Variants in KATNIP observed in about 807,000 individuals in gnomAD.
KATNIP encodes katanin interacting protein.
A neutral mutation model predicts 174.0 loss-of-function variants in KATNIP; 126 were observed. That is an observed-to-expected ratio of 0.72 (90% confidence interval 0.63 to 0.84). KATNIP has a LOEUF of 0.84. Ranked by LOEUF, KATNIP falls within the 40% of genes least tolerant of loss-of-function variation. KATNIP has a pLI of 0.00. For missense variants in KATNIP, 1,958 were observed against 2,109.7 expected, an observed-to-expected ratio of 0.93 and a Z score of 1.41; for synonymous variants, 810 against 835.7, an observed-to-expected ratio of 0.97 and a Z score of 0.53.
chr16:27,606,299 T>C (rs1307138310), intron 2 of KATNIP, among the ~76,000 whole-genome samples: 1 of 152,088 alleles, frequency 6.6e-6, no homozygotes, highest in African/African-American at 2.4e-5. Context: ...TAAGATACAT[T>C]TGGATCATCT....
intron 2 of KATNIP, among the ~76,000 whole-genome samples, chr16:27,585,908 C>G (rs978523172): frequency 6.6e-6 from 1 of 152,040 alleles, no homozygotes; most frequent in African/African-American, 2.4e-5. Context: ...TCCAGATCAG[C>G]CCAGGCAACA....
intron 5 of KATNIP, among the ~76,000 whole-genome samples, chr16:27,636,724 T>TGAGC (rs2076647493): frequency 6.6e-6 from 1 of 152,188 alleles, no homozygotes; most frequent in Non-Finnish European, 1.5e-5. Context: ...GTAGCCTCTC[T>TGAGC]GAGCTGTGCA....
intron 8 of KATNIP, 94 bp from the exon 9 acceptor site, chr16:27,698,234 T>G (rs2078982054): frequency 6.9e-6 from 9 of 1,309,486 alleles, no homozygotes; most frequent in Non-Finnish European, 9.5e-6. Context: ...GGCCAGTTGT[T>G]TTATAGAATG....
At chr16:27,602,153 C>A (rs916543322) in intron 2 of KATNIP, among the ~76,000 whole-genome samples, 1 of 152,180 alleles carries the variant, frequency 6.6e-6, no homozygotes, top group Admixed American at 6.5e-5. Context: ...GAGCCCCCTC[C>A]TGGGCTGTCC....
chr16:27,723,117 TGGA>T (rs2080305169), intron 14 of KATNIP, among the ~76,000 whole-genome samples: 1 of 152,134 alleles, frequency 6.6e-6, no homozygotes. Flanking sequence ...TTCACAGGCA[TGGA>T]GGTGTGAAAG....
intron 15 of KATNIP, among the ~76,000 whole-genome samples, chr16:27,742,865 T>G (rs1252212362): frequency 6.6e-6 from 1 of 152,186 alleles, no homozygotes; most frequent in African/African-American, 2.4e-5. Flanking sequence ...AACTTTTATT[T>G]TGGGTTCTGG....
At chr16:27,575,140 A>T (rs1372113969) in intron 2 of KATNIP, among the ~76,000 whole-genome samples, 1 of 152,206 alleles carries the variant, frequency 6.6e-6, no homozygotes, top group Admixed American at 6.5e-5. Flanking sequence ...TCACAGAAGG[A>T]CAGAGAAAGT....
chr16:27,775,095 G>C lies in KATNIP; in HGVS notation c.4449+11G>C. ...ATCCTGCCGGGCCTGGTGGGTTCCC[G>C]GCAGCGGCCACCGCAGCTCCTGGCC... On this transcript the variant is annotated intron_variant, in intron 24 of 27. Transcript: ENST00000261588. 9.9e-6 allele frequency: 16 copies of C among 1,609,432 alleles called. No individual in the cohort carries two copies. The highest frequency in any genetic ancestry group is 1.4e-5 in the Non-Finnish European group (16 of 1,178,894).
At chr16:27,638,835 A>T (rs1185037332) in intron 5 of KATNIP, among the ~76,000 whole-genome samples, 18 of 110,768 alleles carry the variant, frequency 1.6e-4, no homozygotes, top group South Asian at 3.0e-4. Flanking sequence ...GTCTTGCTGG[A>T]TTTTTTTTTT....
chr16:27,690,516 G>C (rs1001413764), intron 8 of KATNIP, among the ~76,000 whole-genome samples: 1 of 152,166 alleles, frequency 6.6e-6, no homozygotes, highest in South Asian at 2.1e-4. Context: ...GGAGGAATTC[G>C]TGGCCACTTG....
rs943601514 is a variant in KATNIP at position 27,675,279 on chromosome 16, A to G, written c.541-2450A>G. Among the ~76,000 whole-genome samples the G allele has an allele frequency of 3.3e-5, 5 of 152,314 alleles. No individual in the cohort carries two copies. In the East Asian group the frequency reaches 5.8e-4, roughly 18 times the overall value. ...GGGAACTCCCCTTTATAAAATCATCAGATCTTGTGAGACTATTCACTACCA... is the reference window on the plus strand; with the variant it reads ...GGGAACTCCCCTTTATAAAATCATCGGATCTTGTGAGACTATTCACTACCA... On this transcript the variant is annotated intron_variant, in intron 6 of 27. Transcript: ENST00000261588.
intron 2 of KATNIP, among the ~76,000 whole-genome samples, chr16:27,597,090 G>A (rs1258711282): frequency 2.6e-5 from 4 of 152,162 alleles, no homozygotes; most frequent in Non-Finnish European, 5.9e-5. Flanking sequence ...CTACTCAGGA[G>A]GCTGAGGCAG....
chr16:27,606,054 T>A lies in KATNIP; in HGVS notation c.64-12371T>A, dbSNP rs140942821. Among the ~76,000 whole-genome samples, 715 of 152,208 alleles carry A rather than the reference T, an allele frequency of 4.7e-3. 5 individuals are homozygous for A. The highest frequency in any genetic ancestry group is 7.8e-3 in the Non-Finnish European group (529 of 67,992). On this transcript the variant is annotated intron_variant, in intron 2 of 27. Transcript: ENST00000261588. ...CTGAGGCAGGAGGATTGCTTGAACCTGGGAGGTGGAGGTTGCAGTGAACTG... is the reference window on the plus strand; with the variant it reads ...CTGAGGCAGGAGGATTGCTTGAACCAGGGAGGTGGAGGTTGCAGTGAACTG...
chr16:27,614,440 C>T (rs2075984190), intron 2 of KATNIP, among the ~76,000 whole-genome samples: 2 of 152,080 alleles, frequency 1.3e-5, no homozygotes, highest in Admixed American at 6.6e-5. Context: ...GGATTACAGG[C>T]GTCAGCCACC....
rs1458260605 is a variant in KATNIP, at chr16:27,771,678, G to A, written c.4198+26G>A. The A allele has an allele frequency of 6.8e-6, 11 of 1,610,162 alleles. No individual in the cohort carries two copies. The African/African-American group carries it at 1.1e-4, about 16-fold the overall frequency. ...GTATCCTTCTCCTCCCGCCCCACCAGCACATTCTGGGCCCCGAGGCAGCGC... is the reference window on the plus strand; with the variant it reads ...GTATCCTTCTCCTCCCGCCCCACCAACACATTCTGGGCCCCGAGGCAGCGC... On this transcript the variant is annotated intron_variant, in intron 22 of 27. Coordinates refer to ENST00000261588, the MANE Select transcript of KATNIP (RefSeq NM_015202.5).
intron 14 of KATNIP, among the ~76,000 whole-genome samples, chr16:27,725,294 A>T (rs1249573458): frequency 6.6e-6 from 1 of 152,230 alleles, no homozygotes; most frequent in East Asian, 1.9e-4. Context: ...TAGACGAAGA[A>T]GCCAGAACTT....
chr16:27,698,949 C>G (rs1457897418), intron 9 of KATNIP, among the ~76,000 whole-genome samples: 1 of 152,242 alleles, frequency 6.6e-6, no homozygotes, highest in East Asian at 1.9e-4. Flanking sequence ...CAAAACCTCT[C>G]TGGGCCTACA....
intron 2 of KATNIP, among the ~76,000 whole-genome samples, chr16:27,604,026 T>G (rs1345169235): frequency 6.6e-6 from 1 of 152,170 alleles, no homozygotes; most frequent in Non-Finnish European, 1.5e-5. Flanking sequence ...TGTGAGCCAC[T>G]GTGCCTGGCC....
At chr16:27,570,655 G>C (rs1281036330) in intron 1 of KATNIP, among the ~76,000 whole-genome samples, 5 of 152,142 alleles carry the variant, frequency 3.3e-5, no homozygotes, top group Admixed American at 1.3e-4. Context: ...TGTGTGTCTT[G>C]TTCGGGTGGC....
Sources: gnomAD v4.1 joint callset for allele counts (sites outside exome capture counted in the v4.1 genomes callset) on GRCh38, gnomAD v4.1.1 for gene constraint, MANE v1.5 for transcripts, NCBI Gene and HGNC (gene_info 2026-07-23, HGNC 2026-07-21) for gene names.